The following PITPNM2 variants were observed in gnomAD, a reference collection of about 807,000 sequenced individuals.
The protein encoded by PITPNM2 is membrane-associated phosphatidylinositol transfer protein 2.
A neutral mutation model predicts 132.2 loss-of-function variants in PITPNM2; 35 were observed. The ratio of observed to expected loss-of-function variants is 0.26; its 90% confidence interval spans 0.20 to 0.35. The LOEUF (loss-of-function observed/expected upper bound fraction) is 0.35. Among genes scored for constraint, PITPNM2 ranks in the 10% least tolerant of loss-of-function variants. The pLI, the probability that PITPNM2 is intolerant of heterozygous loss-of-function variation, is 1.00. For synonymous variants in PITPNM2, 738 were observed against 799.2 expected (o/e 0.92, Z 1.29); for missense variants, 1,332 against 1,912.0 (o/e 0.70, Z 5.66).
Position 123,150,180 on chromosome 12 carries a change from A to T in PITPNM2, c.-200+573T>A, listed in dbSNP as rs1275482712. Reference sequence around the variant, plus strand: ...CCCCCGATCAGCCCTGCCACGGATAAGAAAGGATTCGGGGTGGGAAGAAGA... The same window carrying T: ...CCCCCGATCAGCCCTGCCACGGATATGAAAGGATTCGGGGTGGGAAGAAGA... On this transcript the variant is annotated intron_variant, in intron 1 of 25. Transcript: ENST00000320201. This position sits in a 1 kb window ranked among gnomAD's most constrained non-coding sequence, Gnocchi z 6.0. 6.6e-6 allele frequency among the ~76,000 whole-genome samples: 1 copy of T among 152,076 alleles called. No homozygotes were observed. The highest frequency in any genetic ancestry group is 1.9e-4 in the East Asian group (1 of 5,180).
At chr12:123,068,100 A>C (rs572791036) in intron 2 of PITPNM2, among the ~76,000 whole-genome samples, 1 of 151,328 alleles carries the variant, frequency 6.6e-6, no homozygotes, top group Non-Finnish European at 1.5e-5. Context: ...CACTTTCTCC[A>C]CCTCCCCACA....
intron 2 of PITPNM2, chr12:123,089,731 C>T (rs1318415259): frequency 1.3e-5 from 2 of 152,252 alleles, no homozygotes; most frequent in African/African-American, 2.4e-5. Context: ...CTTTCTCCCT[C>T]ATCCATCAAT....
rs1022710545 is a variant in PITPNM2, at chr12:122,993,881, C to CT, written c.2233+919dup. 8.1e-5 allele frequency among the ~76,000 whole-genome samples: 12 copies of CT among 148,234 alleles called. 1 individual carries two copies. The highest frequency in any genetic ancestry group is 2.0e-4 in the East Asian group (1 of 5,090). Reference sequence around the variant, plus strand: ...TCCAGAGGTCTGCATTTTTTTTTTTCTTTTTTTTTGAGACTGAGTTTCGCT... The same window carrying CT: ...TCCAGAGGTCTGCATTTTTTTTTTTCTTTTTTTTTTGAGACTGAGTTTCGCT... On this transcript the variant is annotated intron_variant, in intron 15 of 25. Transcript: ENST00000320201. This position sits in a 1 kb window ranked among gnomAD's most constrained non-coding sequence, Gnocchi z 5.2.
chr12:123,007,130 A>G (rs954565609), intron 6 of PITPNM2, among the ~76,000 whole-genome samples: 1 of 152,100 alleles, frequency 6.6e-6, no homozygotes, highest in African/African-American at 2.4e-5. Context: ...GTTTTCCTGC[A>G]CACTGTATCA....
chr12:123,094,757 C>T (rs2042362791), intron 2 of PITPNM2, among the ~76,000 whole-genome samples: 1 of 152,174 alleles, frequency 6.6e-6, no homozygotes, highest in East Asian at 1.9e-4. Context: ...CCAGGTGGGG[C>T]CGAGGGCAGG....
intron 2 of PITPNM2, among the ~76,000 whole-genome samples, chr12:123,041,352 C>A (rs1427487748): frequency 6.6e-6 from 1 of 152,152 alleles, no homozygotes; most frequent in African/African-American, 2.4e-5. Context: ...GGCTGCCTAC[C>A]CCCAGGTGCA....
In PITPNM2 at chr12:123,143,687, G is replaced by A. The variant is rs1385313815; in HGVS notation, c.-200+7066C>T. 3.3e-5 allele frequency among the ~76,000 whole-genome samples: 5 copies of A among 152,166 alleles called. No homozygotes were observed. The East Asian group carries it at 5.8e-4, about 18-fold the overall frequency. On this transcript the variant is annotated intron_variant, in intron 1 of 25. Coordinates refer to ENST00000320201, the MANE Select transcript of PITPNM2 (RefSeq NM_020845.3). ...AGGCCAAGTCTATTGCAGGGCTGCC[G>A]CCAGAACCCACTGCATGAAAGTACA...
At chr12:123,053,389 T>C (rs1447467642) in intron 2 of PITPNM2, among the ~76,000 whole-genome samples, 2 of 152,210 alleles carry the variant, frequency 1.3e-5, no homozygotes, top group Non-Finnish European at 2.9e-5. Context: ...AATTTTCATT[T>C]TGACATCCCC....
At chr12:123,102,007 G>C (rs1338744606) in intron 2 of PITPNM2, among the ~76,000 whole-genome samples, 1 of 152,176 alleles carries the variant, frequency 6.6e-6, no homozygotes, top group African/African-American at 2.4e-5. Flanking sequence ...GAGTGATCTT[G>C]TCTCTAAAAA....
chr12:123,055,035 C>G (rs2040978462), intron 2 of PITPNM2, among the ~76,000 whole-genome samples: 1 of 151,948 alleles, frequency 6.6e-6, no homozygotes, highest in African/African-American at 2.4e-5. Context: ...AGCACTCCAG[C>G]CTGGGCGAGA....
rs1228387253 is a variant in PITPNM2 at position 122,983,559 on chromosome 12, C to G, written c.*2468G>C. 6.5e-6 allele frequency: 1 copy of G among 152,806 alleles called. No individual in the cohort carries two copies. The highest frequency in any genetic ancestry group is 2.4e-5 in the African/African-American group (1 of 41,452). The allele number at this position is 152,806 out of a possible 1,614,324, so 9.5% of individuals were successfully genotyped here. ...ACACTCAGGCCCAATGATGCGGGGACAGCAGGGACGGATGGGGAGATGGGG... is the reference window on the plus strand; with the variant it reads ...ACACTCAGGCCCAATGATGCGGGGAGAGCAGGGACGGATGGGGAGATGGGG... On this transcript the variant is annotated 3_prime_UTR_variant, in exon 26 of 26. Transcript: ENST00000320201.
chr12:122,989,647 C>A, intron 18 of PITPNM2, 140 bp downstream of exon 18: 1 of 800,482 alleles, frequency 1.2e-6, no homozygotes, highest in Non-Finnish European at 1.7e-6. Context: ...CCACCTCCTC[C>A]CTAGATGGCC....
chr12:123,119,401 A>G (rs1001476362), intron 1 of PITPNM2, among the ~76,000 whole-genome samples: 63 of 138,636 alleles, frequency 4.5e-4, no homozygotes, highest in South Asian at 2.5e-3. Context: ...TCTGTCACCC[A>G]GGCTGGAGTG....
chr12:123,000,353 G>A lies in PITPNM2; in HGVS notation c.1224+425C>T, dbSNP rs779679209. ...ACACTGAGCTCCGCCTGCCTCCCGCGGGGCCATCTTGTCGGCCACGGCCAC... is the reference window on the plus strand; with the variant it reads ...ACACTGAGCTCCGCCTGCCTCCCGCAGGGCCATCTTGTCGGCCACGGCCAC... On this transcript the variant is annotated intron_variant, in intron 10 of 25. Coordinates refer to ENST00000320201, the MANE Select transcript of PITPNM2 (RefSeq NM_020845.3). The surrounding 1 kb of genome is among the most constrained non-coding windows in gnomAD (Gnocchi z 5.4). 37 of 698,100 alleles carry A rather than the reference G, an allele frequency of 5.3e-5. 1 individual carries two copies. The highest frequency in any genetic ancestry group is 3.9e-4 in the African/African-American group (22 of 56,936). 43.2% of individuals were successfully genotyped at this position (698,100 alleles called of 1,614,324 possible). A position where few individuals can be genotyped will look rare whatever the true frequency, so the allele number is the denominator to read the frequency against.
intron 2 of PITPNM2, among the ~76,000 whole-genome samples, chr12:123,103,733 CA>C (rs1297097645): frequency 2.0e-5 from 3 of 152,112 alleles, no homozygotes; most frequent in Non-Finnish European, 2.9e-5. Context: ...GGACTTTGGA[CA>C]AGTCACTTCT....
intron 1 of PITPNM2, among the ~76,000 whole-genome samples, chr12:123,136,488 CT>C (rs1236722891): frequency 6.6e-6 from 1 of 152,146 alleles, no homozygotes; most frequent in East Asian, 1.9e-4. Flanking sequence ...TAGAACACAG[CT>C]CACAAGATTA....
At chr12:123,147,085 C>G (rs1260318722) in intron 1 of PITPNM2, among the ~76,000 whole-genome samples, 4 of 152,194 alleles carry the variant, frequency 2.6e-5, no homozygotes, top group Non-Finnish European at 5.9e-5. Flanking sequence ...ATTTTAGACT[C>G]TAAGTCCTAC....
intron 6 of PITPNM2, chr12:123,006,023 A>G (rs1835567297): frequency 6.5e-6 from 1 of 153,578 alleles, no homozygotes; most frequent in South Asian, 2.0e-4. Flanking sequence ...AGGTGGGAGG[A>G]TCACTTGAGC....
upstream of PITPNM2, among the ~76,000 whole-genome samples, chr12:123,151,206 G>GGCCCC (rs1004594689): frequency 1.4e-5 from 2 of 141,164 alleles, no homozygotes; most frequent in Non-Finnish European, 3.1e-5. Flanking sequence ...GTCTCGGCCC[G>GGCCCC]GCCCCGCCGC....
Sources: gnomAD v4.1 joint callset for allele counts (sites outside exome capture counted in the v4.1 genomes callset) on GRCh38, gnomAD v4.1.1 for gene constraint, Gnocchi (gnomAD v3.1) non-coding constraint, MANE v1.5 for transcripts, NCBI Gene and HGNC (gene_info 2026-07-23, HGNC 2026-07-21) for gene names.